The following GALNT8 variants were observed in gnomAD, a reference collection of about 807,000 sequenced individuals.
GALNT8 encodes probable polypeptide N-acetylgalactosaminyltransferase 8.
A neutral mutation model predicts 62.7 loss-of-function variants in GALNT8; 66 were observed. The ratio of observed to expected loss-of-function variants is 1.05; its 90% confidence interval spans 0.86 to 1.29. GALNT8 has a LOEUF of 1.29. Ranked by LOEUF, GALNT8 falls within the 50% of genes most tolerant of loss-of-function variation. The pLI is 0.00. For missense variants in GALNT8, 771 were observed against 791.8 expected, an observed-to-expected ratio of 0.97 and a Z score of 0.32; for synonymous variants, 288 against 294.3, an observed-to-expected ratio of 0.98 and a Z score of 0.22.
chr12:4,760,835 A>C (rs1946368078), intron 6 of GALNT8, 123 bp from the exon 7 acceptor site: 2 of 722,626 alleles, frequency 2.8e-6, no homozygotes, highest in Admixed American at 2.5e-5. Context: ...ATATAAAGGC[A>C]GGAGTGGGAG....
chr12:4,721,326 A>G (rs1946167428), intron 1 of GALNT8, among the ~76,000 whole-genome samples: 2 of 152,078 alleles, frequency 1.3e-5, no homozygotes, highest in Admixed American at 1.3e-4. Flanking sequence ...CAAAGTATGT[A>G]GAGAGAAATA....
At chr12:4,763,686 C>G (rs1173608070) in intron 8 of GALNT8, among the ~76,000 whole-genome samples, 2 of 151,656 alleles carry the variant, frequency 1.3e-5, no homozygotes, top group African/African-American at 4.8e-5. Context: ...GCCTGAACTC[C>G]GCAGAGGCGC....
rs1254665530 is a variant in GALNT8 at position 4,744,653 on chromosome 12, A to G, written c.813A>G (p.Ala271=). ...ARNTGWEAAT[A]DVVAILDAHI... ...ACACTGGCTGGGAAGCTGCCACAGC[A>G]GACGTGGTCGCCATCTTGGATGCTC... Residue 271 remains alanine, a synonymous_variant, in exon 4 of 11, where the codon GCA becomes GCG. Coordinates refer to ENST00000252318, the MANE Select transcript of GALNT8 (RefSeq NM_017417.2). 1 of 1,613,692 alleles carries G rather than the reference A, an allele frequency of 6.2e-7. No individual in the cohort carries two copies. Among genetic ancestry groups the G allele is most frequent in the Non-Finnish European group, 8.5e-7 (1 of 1,179,836 alleles).
intron 6 of GALNT8, among the ~76,000 whole-genome samples, chr12:4,750,414 A>G (rs1375544820): frequency 1.3e-5 from 2 of 151,068 alleles, no homozygotes; most frequent in African/African-American, 4.9e-5. Context: ...CTCATCATTT[A>G]ACTTCCACTT....
At chr12:4,771,996 C>G (rs564914876) in intron 10 of GALNT8, among the ~76,000 whole-genome samples, 1 of 152,282 alleles carries the variant, frequency 6.6e-6, no homozygotes, top group African/African-American at 2.4e-5. Flanking sequence ...GGCTGAGATT[C>G]CTGACTGTAG....
At chr12:4,759,906 A>G (rs576177992) in intron 6 of GALNT8, among the ~76,000 whole-genome samples, 1 of 152,332 alleles carries the variant, frequency 6.6e-6, no homozygotes, top group East Asian at 1.9e-4. Context: ...AATATTTTCT[A>G]AGCTCAATAT....
intron 8 of GALNT8, 83 bp from the exon 9 acceptor site, chr12:4,763,869 G>C (rs1946385200): frequency 2.6e-6 from 2 of 784,060 alleles, no homozygotes; most frequent in Non-Finnish European, 4.6e-6. Flanking sequence ...TCGGTGTGTT[G>C]GGGAAAATGT....
At chr12:4,770,348 C>A (rs996752330) in intron 10 of GALNT8, among the ~76,000 whole-genome samples, 19 of 149,980 alleles carry the variant, frequency 1.3e-4, no homozygotes, top group Non-Finnish European at 2.1e-4. Flanking sequence ...AAAAATCAAA[C>A]CCAAAACAAA....
At position 4,771,965 on chromosome 12, in the gene GALNT8, G is replaced by C. The variant is rs77782657; in HGVS notation, c.1762-480G>C. Reference sequence around the variant, plus strand: ...CCTTAGCGAAGTCCCCTCAATAGGAGAGGCGGGAAGCTGCCTCAGAGGCTG... The same window carrying C: ...CCTTAGCGAAGTCCCCTCAATAGGACAGGCGGGAAGCTGCCTCAGAGGCTG... On this transcript the variant is annotated intron_variant, in intron 10 of 10. Coordinates refer to ENST00000252318, the MANE Select transcript of GALNT8 (RefSeq NM_017417.2). 5.0e-3 allele frequency among the ~76,000 whole-genome samples: 756 copies of C among 152,316 alleles called. 7 individuals are homozygous for C. The highest frequency in any genetic ancestry group is 0.018 in the African/African-American group (728 of 41,566).
At chr12:4,742,791 C>T (rs1258648197) in intron 3 of GALNT8, among the ~76,000 whole-genome samples, 1 of 152,114 alleles carries the variant, frequency 6.6e-6, no homozygotes, top group Non-Finnish European at 1.5e-5. Flanking sequence ...AATCCGGAAG[C>T]GCCCTGAGCT....
intron 10 of GALNT8, among the ~76,000 whole-genome samples, chr12:4,770,306 GAAAAAAA>G (rs1251278189): frequency 2.0e-5 from 2 of 100,062 alleles, no homozygotes; most frequent in African/African-American, 3.8e-5. Flanking sequence ...TGTCTCAAAA[GAAAAAAA>G]AAAAAACAAA....
At chr12:4,740,424 C>CTT (rs778919612) in intron 3 of GALNT8, among the ~76,000 whole-genome samples, 11 of 141,924 alleles carry the variant, frequency 7.8e-5, no homozygotes, top group East Asian at 2.0e-4. Flanking sequence ...CGTGTGTTAA[C>CTT]TTTTTTTTTT....
At position 4,726,824 on chromosome 12, in the gene GALNT8, C is replaced by G. The variant is rs778576473; in HGVS notation, c.504C>G (p.Asp168Glu). 2 of 1,608,936 alleles carry G rather than the reference C, an allele frequency of 1.2e-6. No homozygotes were observed. Among genetic ancestry groups the G allele is most frequent in the African/African-American group, 2.7e-5 (2 of 74,806 alleles). ...PLNRTIPDTRDYRCLRKTYPS... is the reference protein window; with the variant it reads ...PLNRTIPDTREYRCLRKTYPS... ...ATCGCACCATCCCCGACACGCGAGACTACAGGTGGGATGAACCAGGCTTGG... is the reference window on the plus strand; with the variant it reads ...ATCGCACCATCCCCGACACGCGAGAGTACAGGTGGGATGAACCAGGCTTGG... Residue 168 changes from aspartate (D) to glutamate (E), a missense_variant, in exon 2 of 11, where the codon GAC becomes GAG. Transcript: ENST00000252318. The surrounding 1 kb of genome is among the most constrained non-coding windows in gnomAD (Gnocchi z 4.1).
Position 4,761,050 on chromosome 12 carries a change from C to T in GALNT8, c.1266C>T (p.Thr422=), listed in dbSNP as rs140072173. The change falls in exon 7 of 11, where the codon ACC becomes ACT. Residue 422 remains threonine, a synonymous_variant. Transcript: ENST00000252318. The stretch of plus-strand genomic sequence containing the variant: ...ACAAGCCCTACGCCTTGGATCTCAC[C>T]GCTGCCTTGAAGCGCAATGCTCTGC... ...RHHKPYALDL[T]AALKRNALRV... 149 of 1,613,968 alleles carry T rather than the reference C, an allele frequency of 9.2e-5. No individual in the cohort carries two copies. Among genetic ancestry groups the T allele is most frequent in the Non-Finnish European group, 1.1e-4 (133 of 1,179,936 alleles).
chr12:4,728,410 T>G (rs1400744370), intron 2 of GALNT8, among the ~76,000 whole-genome samples: 1 of 152,164 alleles, frequency 6.6e-6, no homozygotes, highest in East Asian at 1.9e-4. Flanking sequence ...TTGCTTGTAC[T>G]TTTGGTGTTA....
chr12:4,725,538 GC>G (rs1389397371), intron 1 of GALNT8, among the ~76,000 whole-genome samples: 2 of 150,084 alleles, frequency 1.3e-5, no homozygotes, highest in Non-Finnish European at 3.0e-5. Flanking sequence ...TTTTTAACAA[GC>G]TTTTGAAGAC....
At chr12:4,730,569 A>G (rs1946217073) in intron 2 of GALNT8, among the ~76,000 whole-genome samples, 1 of 152,060 alleles carries the variant, frequency 6.6e-6, no homozygotes, top group African/African-American at 2.4e-5. Flanking sequence ...CCACTACTCT[A>G]TGTCTGTTTT....
intron 10 of GALNT8, among the ~76,000 whole-genome samples, chr12:4,771,311 TGGA>T (rs532134949): frequency 3.2e-4 from 49 of 152,074 alleles, no homozygotes; most frequent in Admixed American, 3.2e-3. Flanking sequence ...GTGGCAGTGG[TGGA>T]GGAGAAGTTC....
intron 6 of GALNT8, among the ~76,000 whole-genome samples, chr12:4,756,467 G>C (rs1946345624): frequency 6.6e-6 from 1 of 152,168 alleles, no homozygotes; most frequent in Non-Finnish European, 1.5e-5. Flanking sequence ...CGGTAAAAAT[G>C]ACAATAATAA....
Sources: allele counts gnomAD v4.1 joint callset (sites outside exome capture counted in the v4.1 genomes callset), GRCh38; gene constraint gnomAD v4.1.1; non-coding constraint Gnocchi (gnomAD v3.1); transcripts MANE v1.5; gene names NCBI Gene and HGNC (gene_info 2026-07-23, HGNC 2026-07-21).